Variants in HS6ST3 observed in about 807,000 individuals in gnomAD.
HS6ST3 encodes heparan sulfate 6-O-sulfotransferase 3, also known as heparan-sulfate 6-O-sulfotransferase 3.
HS6ST3 carries 12 observed loss-of-function variants against 36.7 expected under a neutral mutation model. The ratio of observed to expected loss-of-function variants is 0.33; its 90% confidence interval spans 0.21 to 0.53. The LOEUF is 0.53. Ranked by LOEUF, HS6ST3 falls within the 20% of genes least tolerant of loss-of-function variation. The pLI is 0.95. For missense variants in HS6ST3, 584 were observed against 640.9 expected, an observed-to-expected ratio of 0.91 and a Z score of 0.96; for synonymous variants, 240 against 257.5, an observed-to-expected ratio of 0.93 and a Z score of 0.65.
chr13:96,486,979 G>A (rs1202810021), intron 1 of HS6ST3, among the ~76,000 whole-genome samples: 1 of 152,100 alleles, frequency 6.6e-6, no homozygotes, highest in Non-Finnish European at 1.5e-5. Context: ...TAGGCTGACT[G>A]GGAACTCGAA....
rs746745930 is a variant in HS6ST3, at chr13:96,833,165, C to T, written c.1383C>T (p.Thr461=). 31 of 1,587,118 alleles carry T rather than the reference C, an allele frequency of 2.0e-5. 1 individual carries two copies. Among genetic ancestry groups the T allele is most frequent in the South Asian group, 2.3e-5 (2 of 88,702 alleles). The change falls in exon 2 of 2, where the codon ACC becomes ACT. Residue 461 remains threonine (T), a synonymous_variant. Transcript: ENST00000376705. Reference sequence around the variant, plus strand: ...ATGGGGCTGCAGAAGGGACTGTCACCGAGGACTACAACAGCCAGGTGGTGA... The same window carrying T: ...ATGGGGCTGCAGAAGGGACTGTCACTGAGGACTACAACAGCCAGGTGGTGA... ...KEDGAAEGTV[T]EDYNSQVVRW
At chr13:96,679,509 A>G (rs1028159149) in intron 1 of HS6ST3, among the ~76,000 whole-genome samples, 2 of 151,908 alleles carry the variant, frequency 1.3e-5, no homozygotes, top group Non-Finnish European at 1.5e-5. Flanking sequence ...GGATCCTTTT[A>G]TTTACTCTCC....
chr13:96,668,323 A>G (rs1594831767), intron 1 of HS6ST3, among the ~76,000 whole-genome samples: 1 of 152,284 alleles, frequency 6.6e-6, no homozygotes, highest in East Asian at 1.9e-4. Flanking sequence ...AGAAAAACCT[A>G]AACAGGCAGG....
intron 1 of HS6ST3, among the ~76,000 whole-genome samples, chr13:96,714,029 T>C (rs1301296554): frequency 6.6e-6 from 1 of 152,102 alleles, no homozygotes; most frequent in Non-Finnish European, 1.5e-5. Flanking sequence ...ATGTCCAAAA[T>C]AGCTCCCATG....
intron 1 of HS6ST3, among the ~76,000 whole-genome samples, chr13:96,381,029 T>C (rs1005401170): frequency 6.6e-6 from 1 of 152,212 alleles, no homozygotes; most frequent in Non-Finnish European, 1.5e-5. Flanking sequence ...TTTTGTATAA[T>C]TAAATCTGTG....
intron 1 of HS6ST3, among the ~76,000 whole-genome samples, chr13:96,414,624 T>A (rs1249245320): frequency 6.6e-6 from 1 of 152,036 alleles, no homozygotes; most frequent in Non-Finnish European, 1.5e-5. Context: ...CTGGGATTAC[T>A]GGCGCCTGCC....
At chr13:96,483,831 T>A (rs1174869996) in intron 1 of HS6ST3, among the ~76,000 whole-genome samples, 1 of 152,138 alleles carries the variant, frequency 6.6e-6, no homozygotes, top group Non-Finnish European at 1.5e-5. Flanking sequence ...AAACCCAAGG[T>A]CATCTAGGTT....
At chr13:96,604,963 A>G (rs2056433933) in intron 1 of HS6ST3, among the ~76,000 whole-genome samples, 2 of 152,182 alleles carry the variant, frequency 1.3e-5, no homozygotes, top group African/African-American at 2.4e-5. Context: ...GAGGGTTCAG[A>G]CATTTGGAGA....
At chr13:96,179,353 C>A (rs2054228311) in intron 1 of HS6ST3, among the ~76,000 whole-genome samples, 1 of 152,154 alleles carries the variant, frequency 6.6e-6, no homozygotes, top group Non-Finnish European at 1.5e-5. Flanking sequence ...AAACGCTATC[C>A]TTTTTAGTCT....
At chr13:96,538,308 C>T (rs1232815868) in intron 1 of HS6ST3, among the ~76,000 whole-genome samples, 2 of 152,200 alleles carry the variant, frequency 1.3e-5, no homozygotes, top group Non-Finnish European at 2.9e-5. Flanking sequence ...TGATGATAGT[C>T]AATACCTTTC....
chr13:96,782,922 C>T (rs1730244215), intron 1 of HS6ST3, among the ~76,000 whole-genome samples: 1 of 151,972 alleles, frequency 6.6e-6, no homozygotes, highest in Non-Finnish European at 1.5e-5. Context: ...AAATGAGCAG[C>T]CGTTATCTGT....
At chr13:96,457,734 A>G (rs1323114319) in intron 1 of HS6ST3, among the ~76,000 whole-genome samples, 3 of 152,166 alleles carry the variant, frequency 2.0e-5, no homozygotes, top group Non-Finnish European at 4.4e-5. Flanking sequence ...ATCAAGGAGA[A>G]GTGGCTGTGT....
At chr13:96,276,845 C>A (rs371402401) in intron 1 of HS6ST3, among the ~76,000 whole-genome samples, 1 of 152,124 alleles carries the variant, frequency 6.6e-6, no homozygotes, top group South Asian at 2.1e-4. Flanking sequence ...GGCTCAGGAA[C>A]CTGCATTTTG....
At chr13:96,695,798 G>A (rs1390974138) in intron 1 of HS6ST3, among the ~76,000 whole-genome samples, 1 of 152,030 alleles carries the variant, frequency 6.6e-6, no homozygotes, top group Non-Finnish European at 1.5e-5. Flanking sequence ...ATGTTGAGAA[G>A]TATAAGGTTC....
intron 1 of HS6ST3, among the ~76,000 whole-genome samples, chr13:96,348,811 T>G: frequency 6.6e-6 from 1 of 152,202 alleles, no homozygotes; most frequent in East Asian, 1.9e-4. Flanking sequence ...TCACACATGA[T>G]CTTGAAGGTT....
chr13:96,513,996 G>A (rs1199461038), intron 1 of HS6ST3, among the ~76,000 whole-genome samples: 1 of 152,210 alleles, frequency 6.6e-6, no homozygotes, highest in East Asian at 1.9e-4. Flanking sequence ...GGAGAGTTAG[G>A]AGATACGCAG....
chr13:96,723,848 C>T (rs2138470963), intron 1 of HS6ST3, among the ~76,000 whole-genome samples: 1 of 152,302 alleles, frequency 6.6e-6, no homozygotes, highest in South Asian at 2.1e-4. Flanking sequence ...TTTTAATGGT[C>T]TCATCTTAAA....
chr13:96,538,026 G>C (rs1250554280), intron 1 of HS6ST3, among the ~76,000 whole-genome samples: 5 of 152,184 alleles, frequency 3.3e-5, no homozygotes, highest in Admixed American at 3.3e-4. Context: ...GGCATATCTT[G>C]AAGGTTATGC....
At chr13:96,462,721 A>G (rs1264884844) in intron 1 of HS6ST3, among the ~76,000 whole-genome samples, 2 of 152,220 alleles carry the variant, frequency 1.3e-5, no homozygotes, top group African/African-American at 4.8e-5. Context: ...TTATAAATAT[A>G]TTGCTAGAAT....
Sources: gnomAD v4.1 joint callset for allele counts (sites outside exome capture counted in the v4.1 genomes callset) on GRCh38, gnomAD v4.1.1 for gene constraint, MANE v1.5 for transcripts, NCBI Gene and HGNC (gene_info 2026-07-23, HGNC 2026-07-21) for gene names.